The following NRG3 variants were observed in gnomAD, a reference collection of about 807,000 sequenced individuals.
NRG3 encodes the protein neuregulin 3, also known as pro-neuregulin-3, membrane-bound isoform.
NRG3 carries 31 observed loss-of-function variants against 66.9 expected under a neutral mutation model. The observed-to-expected ratio is 0.46, with a 90% CI of 0.35 to 0.63. The LOEUF (loss-of-function observed/expected upper bound fraction) is 0.63, where lower values mean the gene tolerates loss of function less well. NRG3 is among the 20% of genes least tolerant of loss of function. The pLI is 0.00. For missense variants in NRG3, 910 were observed against 878.9 expected (o/e 1.04, Z -0.45); for synonymous variants, 393 against 359.4 (o/e 1.09, Z -1.06).
intron 1 of NRG3, among the ~76,000 whole-genome samples, chr10:82,307,956 TA>T (rs2080833186): frequency 6.6e-6 from 1 of 152,172 alleles, no homozygotes; most frequent in Non-Finnish European, 1.5e-5. Flanking sequence ...AACATTTGGA[TA>T]CTTTTGCTTT....
At chr10:82,436,078 G>A (rs1293880836) in intron 2 of NRG3, among the ~76,000 whole-genome samples, 5 of 152,122 alleles carry the variant, frequency 3.3e-5, no homozygotes, top group Non-Finnish European at 7.4e-5. Flanking sequence ...CTGAGTTCAA[G>A]TCATGAATAT....
At chr10:82,831,115 C>T (rs1215361754) in intron 3 of NRG3, among the ~76,000 whole-genome samples, 1 of 152,128 alleles carries the variant, frequency 6.6e-6, no homozygotes, top group Non-Finnish European at 1.5e-5. Context: ...TAACGTTGCT[C>T]TAAGACTTGA....
At chr10:82,201,236 C>T (rs1167280276) in intron 1 of NRG3, among the ~76,000 whole-genome samples, 1 of 149,064 alleles carries the variant, frequency 6.7e-6, no homozygotes, top group East Asian at 2.0e-4. Context: ...TGGTTTCAGG[C>T]TGGAACCACT....
At chr10:82,807,322 A>G (rs937732301) in intron 3 of NRG3, among the ~76,000 whole-genome samples, 2 of 152,222 alleles carry the variant, frequency 1.3e-5, no homozygotes, top group Non-Finnish European at 2.9e-5. Flanking sequence ...AATAACATCA[A>G]TTTGAGCAAG....
chr10:82,829,007 T>G (rs569912232), intron 3 of NRG3, among the ~76,000 whole-genome samples: 17 of 152,280 alleles, frequency 1.1e-4, no homozygotes, highest in African/African-American at 4.1e-4. Flanking sequence ...TTTTTTCTCT[T>G]TAGTAAATTT....
chr10:82,498,217 G>A (rs1310068401), intron 2 of NRG3, among the ~76,000 whole-genome samples: 1 of 149,938 alleles, frequency 6.7e-6, no homozygotes, highest in Non-Finnish European at 1.5e-5. Flanking sequence ...TTGATTGTTT[G>A]CTGTGAAAAA....
chr10:82,725,520 C>T (rs2248957), intron 2 of NRG3, among the ~76,000 whole-genome samples: 103,848 of 151,972 alleles, frequency 0.68, 35,964 homozygotes, highest in East Asian at 0.85. Context: ...TTGATCAGAA[C>T]GGGATATCGT....
chr10:82,754,100 A>G (rs149033888), intron 3 of NRG3, among the ~76,000 whole-genome samples: 29 of 152,132 alleles, frequency 1.9e-4, no homozygotes, highest in Non-Finnish European at 3.5e-4. Context: ...GATTCCCAAG[A>G]TCATTTAATT....
At chr10:82,097,424 A>AAT (rs3036602) in intron 1 of NRG3, among the ~76,000 whole-genome samples, 167 of 139,992 alleles carry the variant, frequency 1.2e-3, no homozygotes, top group African/African-American at 2.2e-3. Context: ...ATATATCTGT[A>AAT]ATATATATAT....
chr10:82,760,679 T>TA (rs1453873130), intron 3 of NRG3, among the ~76,000 whole-genome samples: 4 of 151,398 alleles, frequency 2.6e-5, no homozygotes, highest in Non-Finnish European at 4.4e-5. Context: ...ACTTAGAAAA[T>TA]AAAAAAATAA....
At chr10:82,731,760 A>G (rs866991970) in intron 2 of NRG3, among the ~76,000 whole-genome samples, 11 of 152,292 alleles carry the variant, frequency 7.2e-5, no homozygotes, top group Non-Finnish European at 1.2e-4. Flanking sequence ...TCTTCCACAT[A>G]CTAATTTTAT....
intron 1 of NRG3, among the ~76,000 whole-genome samples, chr10:81,915,246 C>G (rs1845564085): frequency 6.6e-6 from 1 of 152,098 alleles, no homozygotes; most frequent in Non-Finnish European, 1.5e-5. Context: ...GCTTTCCCAT[C>G]CTCAGACCCT....
At chr10:82,527,377 T>G (rs1846820138) in intron 2 of NRG3, among the ~76,000 whole-genome samples, 1 of 152,088 alleles carries the variant, frequency 6.6e-6, no homozygotes, top group East Asian at 1.9e-4. Flanking sequence ...AACTACAATT[T>G]TAAAAAATGT....
intron 2 of NRG3, among the ~76,000 whole-genome samples, chr10:82,475,539 T>C (rs1363869798): frequency 2.0e-5 from 3 of 152,074 alleles, no homozygotes; most frequent in African/African-American, 7.2e-5. Context: ...AAGTAAACTT[T>C]TACATATATG....
chr10:81,945,016 G>A (rs951393331), intron 1 of NRG3, among the ~76,000 whole-genome samples: 1 of 152,152 alleles, frequency 6.6e-6, no homozygotes, highest in African/African-American at 2.4e-5. Flanking sequence ...CCCCTGGGAT[G>A]ATCTCATTTC....
At chr10:82,779,216 G>T (rs1007470225) in intron 3 of NRG3, among the ~76,000 whole-genome samples, 3 of 152,136 alleles carry the variant, frequency 2.0e-5, no homozygotes, top group African/African-American at 7.2e-5. Context: ...GAACACTGCA[G>T]GGTTTTTCAG....
chr10:82,481,706 C>A (rs191086628), intron 2 of NRG3, among the ~76,000 whole-genome samples: 35 of 152,068 alleles, frequency 2.3e-4, no homozygotes, highest in Admixed American at 2.0e-3. Context: ...AATTCTAGGC[C>A]GGGCACGATG....
intron 1 of NRG3, among the ~76,000 whole-genome samples, chr10:82,151,484 C>A (rs11817672): frequency 0.017 from 2,633 of 152,206 alleles, 78 homozygotes; most frequent in African/African-American, 0.059. Context: ...GAATCGGAAC[C>A]TCTCTGCTCT....
intron 2 of NRG3, among the ~76,000 whole-genome samples, chr10:82,682,164 G>T (rs148704776): frequency 6.6e-6 from 1 of 152,140 alleles, no homozygotes; most frequent in Admixed American, 6.6e-5. Flanking sequence ...ACTTTAAAGC[G>T]CTCTTCTCTT....
Sources: gnomAD v4.1 joint callset for allele counts (sites outside exome capture counted in the v4.1 genomes callset) on GRCh38, gnomAD v4.1.1 for gene constraint, MANE v1.5 for transcripts, NCBI Gene and HGNC (gene_info 2026-07-23, HGNC 2026-07-21) for gene names.